STEAP2: variants seen among roughly 807,000 people sequenced by gnomAD.
STEAP2 encodes metalloreductase STEAP2.
A neutral mutation model predicts 46.4 loss-of-function variants in STEAP2; 30 were observed. That is an observed-to-expected ratio of 0.65 (90% CI 0.48 to 0.88). STEAP2 has a LOEUF of 0.88. Among genes scored for constraint, STEAP2 ranks in the 40% least tolerant of loss-of-function variants. The probability of loss-of-function intolerance (pLI) is 0.00; values close to 1 mark genes in which losing one functional copy is unlikely to be tolerated. For missense variants in STEAP2, 513 were observed against 579.3 expected (o/e 0.89, Z 1.18); for synonymous variants, 180 against 200.5 (o/e 0.90, Z 0.86).
chr7:90,243,113 G>A (rs1352199274), downstream of STEAP2, among the ~76,000 whole-genome samples: 2 of 152,098 alleles, frequency 1.3e-5, no homozygotes, highest in Admixed American at 1.3e-4. Context: ...TGGTCTCTTC[G>A]GCTAGGATTT....
rs1226210270 is a variant in STEAP2 at position 90,228,844 on chromosome 7, G to A, written c.1021-1028G>A. Among the ~76,000 whole-genome samples, 3 of 152,132 alleles carry A rather than the reference G, an allele frequency of 2.0e-5. No individual in the cohort carries two copies. The East Asian group carries it at 5.8e-4, about 29-fold the overall frequency. ...CCAGGTTGTAGTCTCCGAGTACACT[G>A]GGTAGTGCTGTTTTTCTGTATTGTA... is the stretch of plus-strand genomic sequence containing the variant. On this transcript the variant is annotated intron_variant, in intron 4 of 5. Transcript: ENST00000394621.
intron 2 of STEAP2, among the ~76,000 whole-genome samples, chr7:90,224,349 A>G (rs1230374101): frequency 6.6e-6 from 1 of 152,164 alleles, no homozygotes; most frequent in Non-Finnish European, 1.5e-5. Context: ...CCAACAACCC[A>G]GAAATTACCA....
intron 3 of STEAP2, among the ~76,000 whole-genome samples, chr7:90,226,464 T>C (rs1408925489): frequency 6.6e-6 from 1 of 152,182 alleles, no homozygotes; most frequent in Non-Finnish European, 1.5e-5. Context: ...ATTTGTGTTA[T>C]AAAAGGACCT....
Position 90,237,110 on chromosome 7 carries a change from A to G in STEAP2, c.*4486A>G. ...TCATCTTGCTGCTGGGATTGTGGAT[A>G]TAACAGGAGCCCTGGCAGCTGTCTC... On this transcript the variant is annotated 3_prime_UTR_variant, in exon 6 of 6. Coordinates refer to ENST00000394621, the MANE Select transcript of STEAP2 (RefSeq NM_001244944.2). 3 of 735,182 alleles carry G rather than the reference A, an allele frequency of 4.1e-6. No homozygotes were observed. The highest frequency in any genetic ancestry group is 2.1e-6 in the Non-Finnish European group (1 of 465,302). 45.5% of individuals were successfully genotyped at this position (735,182 alleles called of 1,614,324 possible). A position where few individuals can be genotyped will look rare whatever the true frequency, so the allele number is the denominator to read the frequency against.
chr7:90,221,124 T>C (rs765636592), intron 2 of STEAP2, among the ~76,000 whole-genome samples: 6 of 152,234 alleles, frequency 3.9e-5, no homozygotes, highest in Non-Finnish European at 7.4e-5. Context: ...TGTGAATGTT[T>C]GTTAGGTCCA....
rs773049259 is a variant in STEAP2, at chr7:90,226,986, A to G, written c.508A>G (p.Asn170Asp). Residue 170 changes from asparagine (N) to aspartate (D), a missense_variant, in exon 4 of 6, where the codon AAC (asparagine) becomes GAC (aspartate). Asn to Asp is a conservative substitution (Grantham distance 23). Transcript: ENST00000394621. ...TTTTCCACAGGTTTATATATGCAGC[A>G]ACAATATTCAAGCGCGACAACAGGT... ...DASRQVYICS[N>D]NIQARQQVIE... 4.4e-6 allele frequency: 7 copies of G among 1,593,068 alleles called. No homozygotes were observed. The East Asian group carries it at 1.6e-4, about 36-fold the overall frequency.
intron 2 of STEAP2, among the ~76,000 whole-genome samples, chr7:90,219,194 G>A (rs1458974420): frequency 6.6e-6 from 1 of 151,810 alleles, no homozygotes; most frequent in East Asian, 1.9e-4. Flanking sequence ...GAAATCTTTA[G>A]GTTTATCTAG....
In STEAP2 at chr7:90,236,167, T is replaced by C. The variant is rs758171068; in HGVS notation, c.*3543T>C. The C allele has an allele frequency of 6.6e-5, 47 of 708,962 alleles. No homozygotes were observed. The highest frequency in any genetic ancestry group is 7.9e-5 in the Non-Finnish European group (46 of 579,344). The allele number at this position is 708,962 out of a possible 1,614,324, so 43.9% of individuals were successfully genotyped here. On this transcript the variant is annotated 3_prime_UTR_variant, in exon 6 of 6. Coordinates refer to ENST00000394621, the MANE Select transcript of STEAP2 (RefSeq NM_001244944.2). ...TACCACTTGCCATTAAGCTATTTCA[T>C]AATAAATTCTGTACAGTTTCCCCCC...
chr7:90,225,365 A>G lies in STEAP2; in HGVS notation c.283A>G (p.Arg95Gly), dbSNP rs1795440884. 6.2e-7 allele frequency: 1 copy of G among 1,613,878 alleles called. No homozygotes were observed. Among genetic ancestry groups the G allele is most frequent in the Non-Finnish European group, 8.5e-7 (1 of 1,179,912 alleles). ...AAATATAATATTTGTTGCTATACAC[A>G]GAGAACATTATACCTCCCTGTGGGA... Reference protein sequence around the residue: ...KTNIIFVAIHREHYTSLWDLR... With the variant: ...KTNIIFVAIHGEHYTSLWDLR... Residue 95 changes from arginine (R) to glycine (G), a missense_variant, in exon 3 of 6, where the codon AGA (arginine) becomes GGA (glycine). Arg to Gly is a moderately radical substitution (Grantham distance 125, BLOSUM62 -2). Coordinates refer to ENST00000394621, the MANE Select transcript of STEAP2 (RefSeq NM_001244944.2).
In STEAP2 at chr7:90,217,283, A is replaced by G. The variant is rs142283564; in HGVS notation, c.-34+680A>G. ...AAGAACATTTCAAGTCATCTCTTCT[A>G]GCTACTTTGAAATACACAGTACATT... On this transcript the variant is annotated intron_variant, in intron 2 of 5. Transcript: ENST00000394621. 5.1e-3 allele frequency among the ~76,000 whole-genome samples: 780 copies of G among 152,290 alleles called. 6 individuals carry two copies. The highest frequency in any genetic ancestry group is 0.018 in the African/African-American group (743 of 41,548).
At chr7:90,215,157 G>A (rs974953154) in intron 1 of STEAP2, 1 of 152,328 alleles carries the variant, frequency 6.6e-6, no homozygotes, top group African/African-American at 2.4e-5. Flanking sequence ...ATGTTCAGAT[G>A]TGGGCTTACA....
intron 1 of STEAP2, among the ~76,000 whole-genome samples, chr7:90,212,999 C>T (rs1433032872): frequency 6.6e-6 from 1 of 151,848 alleles, no homozygotes; most frequent in Admixed American, 6.6e-5. Flanking sequence ...AATTTTTTTA[C>T]TCCGATTCTC....
At chr7:90,242,891 C>T (rs1796080091), downstream of STEAP2, among the ~76,000 whole-genome samples, 1 of 152,076 alleles carries the variant, frequency 6.6e-6, no homozygotes, top group Admixed American at 6.6e-5. Context: ...ATGTGGAAGC[C>T]TAGGCAAGGG....
At chr7:90,217,144 G>C (rs1795057017) in intron 2 of STEAP2, among the ~76,000 whole-genome samples, 1 of 152,142 alleles carries the variant, frequency 6.6e-6, no homozygotes, top group South Asian at 2.1e-4. Context: ...ATTGATACAT[G>C]TTACATATCT....
chr7:90,216,093 A>G (rs988061091), intron 1 of STEAP2: 2 of 152,212 alleles, frequency 1.3e-5, no homozygotes, highest in Non-Finnish European at 2.9e-5. Context: ...ACATAGTTTT[A>G]TCAGTTATTT....
At chr7:90,226,792 CTTG>C (rs768873698) in intron 3 of STEAP2, among the ~76,000 whole-genome samples, 176 bp from the exon 4 acceptor site, 29 of 152,222 alleles carry the variant, frequency 1.9e-4, no homozygotes, top group South Asian at 2.1e-4. Context: ...TCAATAAATA[CTTG>C]TTGTTGTAGG....
chr7:90,238,255 C>T, downstream of STEAP2: 1 of 611,736 alleles, frequency 1.6e-6, no homozygotes, highest in Non-Finnish European at 3.1e-6. Flanking sequence ...TGTGGAGGTT[C>T]TGGCTTCCCC....
rs1584215941 is a variant in STEAP2 at position 90,211,758 on chromosome 7, C to T, written c.-434C>T. The T allele has an allele frequency of 6.5e-6, 1 of 152,738 alleles. No homozygotes were observed. Among genetic ancestry groups the T allele is most frequent in the East Asian group, 1.9e-4 (1 of 5,188 alleles). 9.5% of individuals were successfully genotyped at this position (152,738 alleles called of 1,614,324 possible). A position where few individuals can be genotyped will look rare whatever the true frequency, so the allele number is the denominator to read the frequency against. Reference sequence around the variant, plus strand: ...CGACTCCAGTCAGCGTTCCTCGGGCCCTCGGCGCCACGAGCTGTCCGGGCA... The same window carrying T: ...CGACTCCAGTCAGCGTTCCTCGGGCTCTCGGCGCCACGAGCTGTCCGGGCA... On this transcript the variant is annotated 5_prime_UTR_variant, in exon 1 of 6. Transcript: ENST00000394621.
Position 90,236,641 on chromosome 7 carries a change from TAC to T in STEAP2, c.*4019_*4020del. ...CTTTTTTTTTAGTATGAGAAAATTA[TAC>T]AGTGCTTAATTTTCAGAGATTCTTT... On this transcript the variant is annotated 3_prime_UTR_variant, in exon 6 of 6. Transcript: ENST00000394621. The T allele has an allele frequency of 8.2e-7, 1 of 1,217,114 alleles. No homozygotes were observed. The highest frequency in any genetic ancestry group is 1.0e-6 in the Non-Finnish European group (1 of 976,592). 75.4% of individuals were successfully genotyped at this position (1,217,114 alleles called of 1,614,324 possible).
Sources: allele counts gnomAD v4.1 joint callset (sites outside exome capture counted in the v4.1 genomes callset), GRCh38; gene constraint gnomAD v4.1.1; transcripts MANE v1.5; gene names NCBI Gene and HGNC (gene_info 2026-07-23, HGNC 2026-07-21).